The following CDH11 variants were observed in gnomAD, a reference collection of about 807,000 sequenced individuals.
The protein encoded by CDH11 is cadherin 11, also known as cadherin-11.
CDH11 carries 11 observed loss-of-function variants against 67.8 expected under a neutral mutation model. The ratio of observed to expected loss-of-function variants is 0.16; its 90% CI spans 0.10 to 0.27. CDH11 has a LOEUF of 0.27. Ranked by LOEUF, CDH11 falls within the 10% of genes least tolerant of loss-of-function variation. The pLI is 1.00. For synonymous variants in CDH11, 419 were observed against 400.0 expected, an observed-to-expected ratio of 1.05 and a Z score of -0.57; for missense variants, 847 against 1,031.2, an observed-to-expected ratio of 0.82 and a Z score of 2.45.
chr16:65,032,490 CAGAGAG>C (rs139946984), intron 2 of CDH11, among the ~76,000 whole-genome samples: 1 of 149,364 alleles, frequency 6.7e-6, no homozygotes, highest in African/African-American at 2.5e-5. Flanking sequence ...GAAAAAGAGA[CAGAGAG>C]AGAGAGAGAG....
At chr16:65,079,491 GT>G (rs1318354918) in intron 1 of CDH11, among the ~76,000 whole-genome samples, 1 of 152,144 alleles carries the variant, frequency 6.6e-6, no homozygotes, top group African/African-American at 2.4e-5. Flanking sequence ...GCATGTGCGT[GT>G]GTATGTGTGT....
At chr16:65,007,498 G>A (rs930919913) in intron 2 of CDH11, among the ~76,000 whole-genome samples, 4 of 152,120 alleles carry the variant, frequency 2.6e-5, no homozygotes, top group Non-Finnish European at 5.9e-5. Flanking sequence ...AAGCCAAACC[G>A]ACTGTTTGGA....
At chr16:64,996,716 A>G (rs983265359) in intron 4 of CDH11, among the ~76,000 whole-genome samples, 2 of 152,188 alleles carry the variant, frequency 1.3e-5, no homozygotes, top group Admixed American at 6.5e-5. Flanking sequence ...GCATGGTGGC[A>G]TGAATAATAT....
At chr16:64,972,780 G>A (rs1291257540) in intron 9 of CDH11, 124 bp downstream of exon 9, 1 of 891,974 alleles carries the variant, frequency 1.1e-6, no homozygotes. Context: ...ACATTTTAAA[G>A]ACTGAAAAAT....
chr16:65,034,972 G>A (rs536553254), intron 2 of CDH11, among the ~76,000 whole-genome samples: 1 of 152,338 alleles, frequency 6.6e-6, no homozygotes, highest in East Asian at 1.9e-4. Context: ...TTATCAAGAG[G>A]AGGCTTTGAA....
intron 1 of CDH11, among the ~76,000 whole-genome samples, chr16:65,057,216 T>C (rs1338861617): frequency 1.3e-5 from 2 of 152,026 alleles, no homozygotes; most frequent in South Asian, 2.1e-4. Flanking sequence ...AGCTCATGAC[T>C]CCCCCAAGAC....
At chr16:65,042,580 T>C (rs1271134693) in intron 2 of CDH11, among the ~76,000 whole-genome samples, 7 of 152,102 alleles carry the variant, frequency 4.6e-5, no homozygotes, top group Admixed American at 2.0e-4. Flanking sequence ...AAGGAGAGCA[T>C]TGGCAGCAAA....
At chr16:65,104,428 T>C (rs895365880) in intron 1 of CDH11, among the ~76,000 whole-genome samples, 4 of 152,180 alleles carry the variant, frequency 2.6e-5, no homozygotes, top group African/African-American at 9.7e-5. Flanking sequence ...AGAGCAGAAA[T>C]ACTAATATAC....
chr16:65,035,282 A>C (rs1397751838), intron 2 of CDH11, among the ~76,000 whole-genome samples: 1 of 152,216 alleles, frequency 6.6e-6, no homozygotes, highest in African/African-American at 2.4e-5. Flanking sequence ...ACAGCAACTC[A>C]GTCAGGTAGG....
intron 8 of CDH11, among the ~76,000 whole-genome samples, chr16:64,980,365 T>C (rs1292962190): frequency 6.6e-6 from 1 of 152,152 alleles, no homozygotes. Context: ...GACTATCCTC[T>C]AGTGAGGACC....
At chr16:65,038,611 TATCC>T (rs1467674017) in intron 2 of CDH11, among the ~76,000 whole-genome samples, 4 of 152,244 alleles carry the variant, frequency 2.6e-5, no homozygotes, top group African/African-American at 9.6e-5. Context: ...TGCTTCTAAA[TATCC>T]GTGGATCCCA....
chr16:65,094,766 C>A (rs2074858215), intron 1 of CDH11: 1 of 152,124 alleles, frequency 6.6e-6, no homozygotes, highest in South Asian at 2.1e-4. Flanking sequence ...GGAGGAAATA[C>A]ACCTGTTTTC....
chr16:65,011,911 C>T (rs1437672745), intron 2 of CDH11, among the ~76,000 whole-genome samples: 2 of 152,098 alleles, frequency 1.3e-5, no homozygotes, highest in African/African-American at 4.8e-5. Flanking sequence ...TGTATGTAAA[C>T]CTCCCTTTGT....
chr16:65,105,576 G>C (rs2075053964), intron 1 of CDH11, among the ~76,000 whole-genome samples: 1 of 152,224 alleles, frequency 6.6e-6, no homozygotes, highest in African/African-American at 2.4e-5. Flanking sequence ...ACATTTGAGA[G>C]CATGTGCATG....
In CDH11 at chr16:64,968,187, G is replaced by A. The variant is rs372216084; in HGVS notation, c.1642+3392C>T. ...CCTTGGGCAAATCACTGACCCTTCT[G>A]ATGTCTCATATTCTTTCTTTATCTG... is the stretch of plus-strand genomic sequence containing the variant. On this transcript the variant is annotated intron_variant, in intron 11 of 12. Transcript: ENST00000268603. Among the ~76,000 whole-genome samples, 24 of 152,212 alleles carry A rather than the reference G, an allele frequency of 1.6e-4. No homozygotes were observed. In the South Asian group the frequency reaches 4.8e-3, roughly 30 times the overall value.
rs561048597 is a variant in CDH11, at chr16:65,087,744, C to T, written c.-297-33816G>A. On this transcript the variant is annotated intron_variant, in intron 1 of 12. Coordinates refer to ENST00000268603, the MANE Select transcript of CDH11 (RefSeq NM_001797.4). ...TTGGGTCCTCTTGACCAGGTAAGGG[C>T]TATTATCAAACTGTAGTGGAATCTA... Among the ~76,000 whole-genome samples the T allele has an allele frequency of 4.6e-5, 7 of 152,106 alleles. No homozygotes were observed. The East Asian group carries it at 9.7e-4, about 21-fold the overall frequency.
intron 8 of CDH11, among the ~76,000 whole-genome samples, chr16:64,975,097 C>A (rs1283318213): frequency 1.3e-5 from 2 of 152,106 alleles, no homozygotes; most frequent in African/African-American, 2.4e-5. Context: ...ATTGTAGGAA[C>A]CTGGCTGAAC....
At chr16:64,963,756 A>G (rs2071736491) in intron 11 of CDH11, among the ~76,000 whole-genome samples, 1 of 152,218 alleles carries the variant, frequency 6.6e-6, no homozygotes, top group African/African-American at 2.4e-5. Flanking sequence ...TAAGAATTAC[A>G]TCCACCTTCT....
chr16:65,086,802 A>G lies in CDH11; in HGVS notation c.-297-32874T>C, dbSNP rs558300594. Reference sequence around the variant, plus strand: ...TTTATAAAACTCTCATAAAACAAACACAAGTCCCAGAGCACAAAAGGCAAT... The same window carrying G: ...TTTATAAAACTCTCATAAAACAAACGCAAGTCCCAGAGCACAAAAGGCAAT... On this transcript the variant is annotated intron_variant, in intron 1 of 12. Transcript: ENST00000268603. Among the ~76,000 whole-genome samples the G allele has an allele frequency of 1.4e-4, 22 of 152,288 alleles. No individual in the cohort carries two copies. In the South Asian group the frequency reaches 3.7e-3, roughly 26 times the overall value.
Sources: allele counts gnomAD v4.1 joint callset (sites outside exome capture counted in the v4.1 genomes callset), GRCh38; gene constraint gnomAD v4.1.1; transcripts MANE v1.5; gene names NCBI Gene and HGNC (gene_info 2026-07-23, HGNC 2026-07-21).